MYCBP2: variants seen among roughly 807,000 people sequenced by gnomAD.
MYCBP2 encodes MYC binding protein 2.
A neutral mutation model predicts 525.3 loss-of-function variants in MYCBP2; 120 were observed. The ratio of observed to expected loss-of-function variants is 0.23; its 90% CI spans 0.20 to 0.27. MYCBP2 has a LOEUF of 0.27. Among genes scored for constraint, MYCBP2 ranks in the 10% least tolerant of loss-of-function variants. MYCBP2 has a pLI of 1.00. For synonymous variants in MYCBP2, 1,894 were observed against 1,955.8 expected, an observed-to-expected ratio of 0.97 and a Z score of 0.83; for missense variants, 4,149 against 5,657.1, an observed-to-expected ratio of 0.73 and a Z score of 8.55.
Position 77,190,266 on chromosome 13 carries a change from A to G in MYCBP2, c.4140T>C (p.Pro1380=), listed in dbSNP as rs774784310. 4 of 1,602,072 alleles carry G rather than the reference A, an allele frequency of 2.5e-6. No individual in the cohort carries two copies. The Admixed American group carries it at 5.0e-5, about 20-fold the overall frequency. ...NGTDVNAGQI[P]QLLYRLPTSD... ...ATGCTAAATACCTGTATAATAACTG[A>G]GGTATCTGACCCGCATTAACATCTG... The change falls in exon 29 of 83, where the codon CCT becomes CCC. Residue 1380 remains proline, a synonymous_variant. Transcript: ENST00000544440.
At chr13:77,218,271 C>T (rs140926429) in intron 20 of MYCBP2, among the ~76,000 whole-genome samples, 2,662 of 152,134 alleles carry the variant, frequency 0.017, 58 homozygotes, top group South Asian at 0.095. Flanking sequence ...TACTGACTGG[C>T]CTGTTAGAGA....
intron 1 of MYCBP2, among the ~76,000 whole-genome samples, chr13:77,312,987 C>T (rs538751174): frequency 6.6e-6 from 1 of 151,864 alleles, no homozygotes; most frequent in Non-Finnish European, 1.5e-5. Flanking sequence ...GTGTATAATA[C>T]AATCACCAAG....
At chr13:77,217,637 AT>A (rs2065005588) in intron 21 of MYCBP2, among the ~76,000 whole-genome samples, 1 of 152,168 alleles carries the variant, frequency 6.6e-6, no homozygotes. Context: ...ATAAATTCTA[AT>A]GCTGAGCTAG....
At chr13:77,263,309 T>C (rs2073610015) in intron 10 of MYCBP2, among the ~76,000 whole-genome samples, 1 of 152,012 alleles carries the variant, frequency 6.6e-6, no homozygotes, top group Non-Finnish European at 1.5e-5. Flanking sequence ...TTTCAAATTT[T>C]TAAATAGTTG....
chr13:77,252,130 A>G (rs1262702335), intron 14 of MYCBP2, among the ~76,000 whole-genome samples: 1 of 152,156 alleles, frequency 6.6e-6, no homozygotes, highest in Admixed American at 6.5e-5. Context: ...TGGTGTTACA[A>G]TACAATTCAT....
At chr13:77,193,206 T>C (rs1426686800) in intron 27 of MYCBP2, among the ~76,000 whole-genome samples, 3 of 152,170 alleles carry the variant, frequency 2.0e-5, no homozygotes, top group Non-Finnish European at 2.9e-5. Flanking sequence ...AAGGCTTTGC[T>C]GAAAATTAAT....
At chr13:77,304,235 T>G (rs2079127803) in intron 1 of MYCBP2, among the ~76,000 whole-genome samples, 1 of 152,184 alleles carries the variant, frequency 6.6e-6, no homozygotes. Flanking sequence ...TACGTTTCCA[T>G]GAGCAGATGA....
At chr13:77,158,900 T>C (rs1487258504) in intron 44 of MYCBP2, among the ~76,000 whole-genome samples, 1 of 152,206 alleles carries the variant, frequency 6.6e-6, no homozygotes, top group Non-Finnish European at 1.5e-5. Flanking sequence ...GCCTAAGCCT[T>C]ACTAAAGTTA....
chr13:77,070,594 A>AC, intron 69 of MYCBP2, 37 bp downstream of exon 69: 2 of 1,450,156 alleles, frequency 1.4e-6, no homozygotes, highest in Non-Finnish European at 1.9e-6. Context: ...ACACACACAC[A>AC]AAACTAATGA....
chr13:77,062,497 T>C (rs913931977), intron 74 of MYCBP2, 99 bp downstream of exon 74: 16 of 985,606 alleles, frequency 1.6e-5, no homozygotes, highest in Non-Finnish European at 2.2e-5. Flanking sequence ...ACTAACTGTT[T>C]ATGTTGATGT....
At chr13:77,263,849 C>T (rs2073692399) in intron 9 of MYCBP2, 60 bp from the exon 10 acceptor site, 2 of 1,608,184 alleles carry the variant, frequency 1.2e-6, no homozygotes, top group East Asian at 2.2e-5. Flanking sequence ...CAAGGCTCTA[C>T]AGTCTATCTA....
chr13:77,234,818 AG>A (rs2067655870), intron 17 of MYCBP2, among the ~76,000 whole-genome samples: 1 of 140,372 alleles, frequency 7.1e-6, no homozygotes, highest in African/African-American at 2.6e-5. Flanking sequence ...TATATAAAAA[AG>A]TTATAGATAT....
At chr13:77,056,663 G>A (rs1306910646) in intron 79 of MYCBP2, among the ~76,000 whole-genome samples, 1 of 152,122 alleles carries the variant, frequency 6.6e-6, no homozygotes, top group African/African-American at 2.4e-5. Context: ...CTTCTTTTTG[G>A]TAGCCGTTGT....
At chr13:77,304,701 T>A (rs2079188174) in intron 1 of MYCBP2, among the ~76,000 whole-genome samples, 1 of 152,132 alleles carries the variant, frequency 6.6e-6, no homozygotes, top group Non-Finnish European at 1.5e-5. Flanking sequence ...TGTAAACATG[T>A]ATCAAAATAT....
At chr13:77,322,328 T>C (rs575154421) in intron 1 of MYCBP2, among the ~76,000 whole-genome samples, 118 of 152,284 alleles carry the variant, frequency 7.7e-4, no homozygotes, top group African/African-American at 2.5e-3. Flanking sequence ...CCCTCTATTG[T>C]TTTCACTAAC....
At chr13:77,059,474 T>A in intron 77 of MYCBP2, 49 bp downstream of exon 77, 3 of 1,362,468 alleles carry the variant, frequency 2.2e-6, no homozygotes, top group Non-Finnish European at 3.2e-6. Flanking sequence ...AGTAAAGGTG[T>A]CACAGGGGAA....
intron 68 of MYCBP2, chr13:77,075,443 A>C (rs925850153): frequency 3.3e-5 from 5 of 152,154 alleles, no homozygotes; most frequent in African/African-American, 1.2e-4. Flanking sequence ...TCCCACCCTT[A>C]GGCCAGTCTC....
rs1566852152 is a variant in MYCBP2, at chr13:77,186,032, T to C, written c.4283A>G (p.His1428Arg). Residue 1428 changes from histidine (H) to arginine (R), a missense_variant, in exon 31 of 83, where the codon CAC becomes CGC. This residue lies in a region of MYCBP2 where 292 missense variants were observed against 330.5 expected (regional missense o/e 0.88). Transcript: ENST00000544440. ...ECFESLLSIL[H>R]WSWTTLVLGV... Reference sequence around the variant, plus strand: ...TAAGACTAAGGTGGTCCAGCTCCAGTGAAGAATACTCAACAATGACTCAAA... The same window carrying C: ...TAAGACTAAGGTGGTCCAGCTCCAGCGAAGAATACTCAACAATGACTCAAA... 6.2e-7 allele frequency: 1 copy of C among 1,604,950 alleles called. No individual in the cohort carries two copies. The highest frequency in any genetic ancestry group is 2.2e-5 in the East Asian group (1 of 44,682).
At chr13:77,166,904 T>G (rs2058586085) in intron 40 of MYCBP2, among the ~76,000 whole-genome samples, 1 of 151,206 alleles carries the variant, frequency 6.6e-6, no homozygotes, top group Non-Finnish European at 1.5e-5. Context: ...GAGGGAGCAT[T>G]CCAACTTACT....
Sources: gnomAD v4.1 joint callset for allele counts (sites outside exome capture counted in the v4.1 genomes callset) on GRCh38, gnomAD v4.1.1 for gene constraint, gnomAD v4.1.1 regional missense constraint, MANE v1.5 for transcripts, NCBI Gene and HGNC (gene_info 2026-07-23, HGNC 2026-07-21) for gene names.